DDX51: variants seen among roughly 807,000 people sequenced by gnomAD.
DDX51 encodes the protein DEAD-box helicase 51.
Under a neutral mutation model 74.6 loss-of-function variants are expected in DDX51, and 67 were observed. The ratio of observed to expected loss-of-function variants is 0.90; its 90% CI spans 0.74 to 1.10. The LOEUF is 1.10. Among genes scored for constraint, DDX51 ranks in the 50% least tolerant of loss-of-function variants. The pLI is 0.00. For missense variants in DDX51, 1,056 were observed against 905.2 expected (o/e 1.17, Z -2.14); for synonymous variants, 545 against 402.9 (o/e 1.35, Z -4.22).
intron 3 of DDX51, 62 bp downstream of exon 3, chr12:132,142,666 C>T (rs1897512421): frequency 1.3e-6 from 2 of 1,594,510 alleles, no homozygotes; most frequent in South Asian, 2.2e-5. Context: ...CGGCCACTCA[C>T]AGCCTTGTGT....
rs1366516273 is a variant in DDX51, at chr12:132,138,508, G to C, written c.*764C>G. On this transcript the variant is annotated 3_prime_UTR_variant, in exon 15 of 15. Transcript: ENST00000397333. The stretch of plus-strand genomic sequence containing the variant: ...TTTTTTTTTTTTTTTTGTATTTTTA[G>C]TAGAGACGGGGTTTCACCATGTTAG... 1 of 130,572 alleles carries C rather than the reference G, an allele frequency of 7.7e-6. No individual in the cohort carries two copies. Among genetic ancestry groups the C allele is most frequent in the Non-Finnish European group, 1.6e-5 (1 of 63,362 alleles). 8.1% of individuals were successfully genotyped at this position (130,572 alleles called of 1,614,324 possible).
rs774637415 is a variant in DDX51 at position 132,143,745 on chromosome 12, G to C, written c.469C>G (p.Leu157Val). 8.0e-5 allele frequency: 122 copies of C among 1,528,796 alleles called. No individual in the cohort carries two copies. The highest frequency in any genetic ancestry group is 1.8e-4 in the Middle Eastern group (1 of 5,694). The allele number at this position is 1,528,796 out of a possible 1,614,324, so 94.7% of individuals were successfully genotyped here. ...GPALEEAAGP[L>V]VPGLVLGGFG... ...CCCCCCAGCACCAGGCCGGGGACCA[G>C]GGGTCCGGCCGCCTCCTCCAGGGCC... Residue 157 changes from leucine (L) to valine (V), a missense_variant, in exon 2 of 15, where the codon CTG (leucine) becomes GTG (valine). Physicochemically the swap from Leu to Val is conservative, Grantham distance 32. Transcript: ENST00000397333.
At position 132,140,526 on chromosome 12, in the gene DDX51, C is replaced by A. The variant is rs1425047784; in HGVS notation, c.1570G>T (p.Val524Leu). The change falls in exon 11 of 15, where the codon GTG (valine) becomes TTG (leucine). Residue 524 changes from valine to leucine, a missense_variant. Transcript: ENST00000397333. ...ACGTCCACACCCCCAAAAGCTTGCA[C>A]CAGCAGGAAGAGCCTAGGCAGAGAG... ...RENSHRLFLL[V>L]QAFGGVDVAE... 1.9e-6 allele frequency: 3 copies of A among 1,612,920 alleles called. No individual in the cohort carries two copies. The highest frequency in any genetic ancestry group is 2.7e-5 in the African/African-American group (2 of 74,948).
chr12:132,143,690 C>T lies in DDX51; in HGVS notation c.519+5G>A, dbSNP rs1032320626. On this transcript the variant is annotated splice_donor_5th_base_variant and intron_variant, in intron 2 of 14. Transcript: ENST00000397333. Reference sequence around the variant, plus strand: ...CCGACCACCCTCCCGCCCGCCGAGGCTCACCTTCGGCGCCTTCCTCTTCCC... The same window carrying T: ...CCGACCACCCTCCCGCCCGCCGAGGTTCACCTTCGGCGCCTTCCTCTTCCC... 6.5e-6 allele frequency: 10 copies of T among 1,538,184 alleles called. No homozygotes were observed. The highest frequency in any genetic ancestry group is 3.9e-5 in the Admixed American group (2 of 50,856).
intron 6 of DDX51, 85 bp from the exon 7 acceptor site, chr12:132,141,691 A>T (rs1246374041): frequency 4.7e-6 from 7 of 1,488,654 alleles, no homozygotes; most frequent in African/African-American, 1.4e-5. Flanking sequence ...CACAGCCCCG[A>T]CTCCACCCCA....
intron 2 of DDX51, 32 bp downstream of exon 2, chr12:132,143,663 C>T (rs1001199394): frequency 6.5e-6 from 10 of 1,535,268 alleles, no homozygotes; most frequent in Middle Eastern, 1.7e-4. Flanking sequence ...TACCCTCTCA[C>T]GCCGACCACC....
Position 132,144,060 on chromosome 12 carries a change from C to G in DDX51, c.237G>C (p.Ala79=). 1 of 1,271,726 alleles carries G rather than the reference C, an allele frequency of 7.9e-7. No homozygotes were observed. The highest frequency in any genetic ancestry group is 9.9e-7 in the Non-Finnish European group (1 of 1,012,882). The allele number at this position is 1,271,726 out of a possible 1,614,324, so 78.8% of individuals were successfully genotyped here. The part of the protein sequence containing the change: ...RPRRRRRVND[A]EPGSPEAPQG... ...GCGGCGCCTCCGGGCTCCCCGGCTC[C>G]GCGTCGTTCACCCGCCGCCGCCGCC... is the stretch of plus-strand genomic sequence containing the variant. Residue 79 remains alanine (A), a synonymous_variant, in exon 1 of 15, where the codon GCG becomes GCC. Transcript: ENST00000397333.
Position 132,144,217 on chromosome 12 carries a change from G to A in DDX51, c.80C>T (p.Ala27Val), listed in dbSNP as rs1419819922. The A allele has an allele frequency of 1.1e-5, 13 of 1,206,200 alleles. No homozygotes were observed. In the Admixed American group the frequency reaches 1.8e-4, roughly 17 times the overall value. 74.7% of individuals were successfully genotyped at this position (1,206,200 alleles called of 1,614,324 possible). A position where few individuals can be genotyped will look rare whatever the true frequency, so the allele number is the denominator to read the frequency against. ...AAGPEGAEAG[A>V]HGRARALLER... Reference sequence around the variant, plus strand: ...GAGCAGCGCGCGGGCCCTGCCGTGCGCCCCGGCCTCCGCGCCCTCCGGCCC... The same window carrying A: ...GAGCAGCGCGCGGGCCCTGCCGTGCACCCCGGCCTCCGCGCCCTCCGGCCC... The change falls in exon 1 of 15, where the codon GCG becomes GTG. Residue 27 changes from alanine (A) to valine (V), a missense_variant. Ala to Val is a moderately conservative substitution (Grantham distance 64). Transcript: ENST00000397333.
chr12:132,141,532 G>A lies in DDX51; in HGVS notation c.1070C>T (p.Thr357Ile), dbSNP rs752285795. The A allele has an allele frequency of 4.6e-5, 74 of 1,603,364 alleles. No homozygotes were observed. The highest frequency in any genetic ancestry group is 6.3e-5 in the Non-Finnish European group (74 of 1,177,692). The change falls in exon 7 of 15, where the codon ACC becomes ATC. Residue 357 changes from threonine to isoleucine, a missense_variant. By Grantham distance (89) the Thr-to-Ile change is moderately conservative (BLOSUM62 -1). Coordinates refer to ENST00000397333, the MANE Select transcript of DDX51 (RefSeq NM_175066.4). Reference protein sequence around the residue: ...PGRLVDHIDQTPGFSLQQLRF... With the variant: ...PGRLVDHIDQIPGFSLQQLRF... Reference sequence around the variant, plus strand: ...GAGCTGCTGGAGGCTGAATCCTGGGGTCTGGTCGATGTGGTCCACCAGGCG... The same window carrying A: ...GAGCTGCTGGAGGCTGAATCCTGGGATCTGGTCGATGTGGTCCACCAGGCG...
Position 132,139,231 on chromosome 12 carries a change from G to C in DDX51, c.*41C>G. 1.2e-6 allele frequency: 2 copies of C among 1,601,106 alleles called. No homozygotes were observed. Among genetic ancestry groups the C allele is most frequent in the Non-Finnish European group, 1.7e-6 (2 of 1,176,138 alleles). The stretch of plus-strand genomic sequence containing the variant: ...AGCACTGCTCTGGAAGGAGGGTCAG[G>C]GTGGTGAGCGTTCAGTCCCTCCGGC... On this transcript the variant is annotated 3_prime_UTR_variant, in exon 15 of 15. Coordinates refer to ENST00000397333, the MANE Select transcript of DDX51 (RefSeq NM_175066.4).
Position 132,139,793 on chromosome 12 carries a change from G to A in DDX51, c.1840-24C>T, listed in dbSNP as rs771397237. ...TCCTGGAGAGAAGCTCATGGTGGAAGGGGGTTCTTGGGCCAGCCCCTTAAC... is the reference window on the plus strand; with the variant it reads ...TCCTGGAGAGAAGCTCATGGTGGAAAGGGGTTCTTGGGCCAGCCCCTTAAC... On this transcript the variant is annotated intron_variant, in intron 13 of 14. Coordinates refer to ENST00000397333, the MANE Select transcript of DDX51 (RefSeq NM_175066.4). The A allele has an allele frequency of 1.2e-5, 20 of 1,612,808 alleles. No homozygotes were observed. In the East Asian group the frequency reaches 4.5e-4, roughly 36 times the overall value.
chr12:132,142,098 C>G, intron 5 of DDX51, 21 bp downstream of exon 5: 1 of 1,557,610 alleles, frequency 6.4e-7, no homozygotes, highest in Non-Finnish European at 8.7e-7. Flanking sequence ...GTGCCACGCT[C>G]CAGGTCTAGG....
In DDX51 at chr12:132,140,750, G is replaced by C. The variant is rs774494879; in HGVS notation, c.1441-15C>G. On this transcript the variant is annotated splice_polypyrimidine_tract_variant and intron_variant, in intron 9 of 14. Transcript: ENST00000397333. ...ACGTAGTGGTGCTACAGGGACGGCA[G>C]GGGGTCGGGGTGGAGGTGAGGGTTG... 2.5e-6 allele frequency: 4 copies of C among 1,613,000 alleles called. No individual in the cohort carries two copies. The highest frequency in any genetic ancestry group is 3.4e-6 in the Non-Finnish European group (4 of 1,180,000).
intron 2 of DDX51, 71 bp downstream of exon 2, chr12:132,143,624 G>T (rs1193812794): frequency 1.3e-6 from 2 of 1,511,686 alleles, no homozygotes; most frequent in South Asian, 2.4e-5. Flanking sequence ...CTTCCGGGGC[G>T]ACCGCCGCAC....
rs12312005 is a variant in DDX51 at position 132,140,124 on chromosome 12, G to C, written c.1749C>G (p.Pro583=). 6.8e-6 allele frequency: 11 copies of C among 1,612,570 alleles called. No individual in the cohort carries two copies. The highest frequency in any genetic ancestry group is 1.1e-5 in the South Asian group (1 of 91,076). The change falls in exon 12 of 15, where the codon CCC becomes CCG. Residue 583 remains proline (P), a synonymous_variant. Transcript: ENST00000397333. ...GVELVVNYDA[P]QYLRTYVHRV... is the part of the protein sequence containing the mutation. ...GGTGCACGTAGGTTCTCAGGTACTGGGGGGCGTCGTAGTTCACCACCAGCT... is the reference window on the plus strand; with the variant it reads ...GGTGCACGTAGGTTCTCAGGTACTGCGGGGCGTCGTAGTTCACCACCAGCT...
In DDX51 at chr12:132,144,012, G is replaced by C. The variant is rs1436395864; in HGVS notation, c.285C>G (p.Asp95Glu). The C allele has an allele frequency of 2.1e-5, 29 of 1,374,564 alleles. No homozygotes were observed. The highest frequency in any genetic ancestry group is 2.4e-5 in the Non-Finnish European group (26 of 1,069,410). The allele number at this position is 1,374,564 out of a possible 1,614,324, so 85.1% of individuals were successfully genotyped here. ...EAPQGKRRKA[D>E]GEDAGAESNE... ...GCCCACCTGCGCCCGCGTCCTCGCC[G>C]TCCGCCTTCCGTCGCTTTCCCTGCG... Residue 95 changes from aspartate (D) to glutamate (E), a missense_variant, in exon 1 of 15, where the codon GAC becomes GAG. Physicochemically the swap from Asp to Glu is conservative, Grantham distance 45. Coordinates refer to ENST00000397333, the MANE Select transcript of DDX51 (RefSeq NM_175066.4).
chr12:132,142,616 G>C, intron 3 of DDX51, 112 bp downstream of exon 3: 2 of 1,512,424 alleles, frequency 1.3e-6, no homozygotes, highest in Admixed American at 3.8e-5. Flanking sequence ...AGAGTGCTGA[G>C]ACCACACTTG....
intron 8 of DDX51, 114 bp from the exon 9 acceptor site, chr12:132,141,134 G>A: frequency 6.7e-7 from 1 of 1,492,118 alleles, no homozygotes; most frequent in Non-Finnish European, 8.9e-7. Context: ...GGAGCAAGGT[G>A]GGTCCAGCTC....
chr12:132,142,384 C>A lies in DDX51; in HGVS notation c.709G>T (p.Ala237Ser). The A allele has an allele frequency of 2.5e-6, 4 of 1,612,908 alleles. No homozygotes were observed. Among genetic ancestry groups the A allele is most frequent in the Non-Finnish European group, 3.4e-6 (4 of 1,180,000 alleles). The change falls in exon 4 of 15, where the codon GCC becomes TCC. Residue 237 changes from alanine (A) to serine (S), a missense_variant. Physicochemically the swap from Ala to Ser is moderately conservative, Grantham distance 99 (BLOSUM62 1). Transcript: ENST00000397333. Reference sequence around the variant, plus strand: ...CCTCTGCCCACCAGAAACCCACAGGCTGCGCTCTCCAGGAGGGCAGGAATC... The same window carrying A: ...CCTCTGCCCACCAGAAACCCACAGGATGCGCTCTCCAGGAGGGCAGGAATC... The part of the protein sequence containing the change: ...AVIPALLESA[A>S]CGFLVGRGGY...
Sources: allele counts gnomAD v4.1 joint callset, GRCh38; gene constraint gnomAD v4.1.1; transcripts MANE v1.5; gene names NCBI Gene and HGNC (gene_info 2026-07-23, HGNC 2026-07-21).